The following CHKA variants were observed in gnomAD, a reference collection of about 807,000 sequenced individuals.
CHKA encodes the protein CHETK-alpha.
In CHKA, 34 loss-of-function variants were observed where a neutral mutation model predicts 60.1. The observed-to-expected ratio is 0.57, with a 90% CI of 0.43 to 0.75. The LOEUF (loss-of-function observed/expected upper bound fraction) is 0.75. Ranked by LOEUF, CHKA falls within the 30% of genes least tolerant of loss-of-function variation. The pLI, the probability that CHKA is intolerant of heterozygous loss-of-function variation, is 0.00. For missense variants in CHKA, 563 were observed against 561.3 expected (o/e 1.00, Z -0.03); for synonymous variants, 217 against 223.1 (o/e 0.97, Z 0.24).
At chr11:68,054,147 C>T (rs1203642772) in intron 11 of CHKA, 100 bp from the exon 12 acceptor site, 9 of 1,013,438 alleles carry the variant, frequency 8.9e-6, no homozygotes, top group African/African-American at 3.2e-5. Flanking sequence ...GCTGAGGGCA[C>T]GGACCCATGA....
intron 1 of CHKA, among the ~76,000 whole-genome samples, chr11:68,101,214 C>T (rs979987779): frequency 6.6e-6 from 1 of 152,022 alleles, no homozygotes; most frequent in Non-Finnish European, 1.5e-5. Flanking sequence ...CCCCAAAGTG[C>T]TGGGATTACA....
At chr11:68,111,541 T>C (rs1023373326) in intron 1 of CHKA, among the ~76,000 whole-genome samples, 2 of 151,744 alleles carry the variant, frequency 1.3e-5, no homozygotes, top group African/African-American at 2.4e-5. Context: ...ATCATGCCAT[T>C]GTACTCCAGC....
Position 68,121,156 on chromosome 11 carries a change from C to T in CHKA, c.22G>A (p.Gly8Arg). The T allele has an allele frequency of 9.9e-6, 12 of 1,208,908 alleles. No homozygotes were observed. Among genetic ancestry groups the T allele is most frequent in the South Asian group, 2.1e-5 (1 of 48,484 alleles). The allele number at this position is 1,208,908 out of a possible 1,614,324, so 74.9% of individuals were successfully genotyped here. Reference sequence around the variant, plus strand: ...AGCGGCGAGGGCTCCGCCTCGCCCCCGGTGCAGAATTTGGTTTTCATGCCC... The same window carrying T: ...AGCGGCGAGGGCTCCGCCTCGCCCCTGGTGCAGAATTTGGTTTTCATGCCC... MKTKFCT[G>R]GEAEPSPLGL... The change falls in exon 1 of 12, where the codon GGG (glycine) becomes AGG (arginine). Residue 8 changes from glycine (G) to arginine (R), a missense_variant. By Grantham distance (125) the Gly-to-Arg change is moderately radical (BLOSUM62 -2). Coordinates refer to ENST00000265689, the MANE Select transcript of CHKA (RefSeq NM_001277.3).
intron 5 of CHKA, 70 bp downstream of exon 5, chr11:68,070,654 G>C (rs1195023646): frequency 5.2e-6 from 8 of 1,525,260 alleles, no homozygotes; most frequent in Non-Finnish European, 7.2e-6. Flanking sequence ...GCAAACAAAT[G>C]CTCACTTATG....
intron 1 of CHKA, among the ~76,000 whole-genome samples, chr11:68,119,706 G>C (rs954626110): frequency 2.0e-5 from 3 of 152,054 alleles, no homozygotes; most frequent in Non-Finnish European, 1.5e-5. Flanking sequence ...CCGACCTCGT[G>C]ACCCGCCCAC....
At position 68,120,984 on chromosome 11, in the gene CHKA, A is replaced by AGCGGCGGCGGCG; in HGVS notation, c.193_194insCGCCGCCGCCGC (p.Pro64_Leu65insProProProPro). On this transcript the variant is annotated inframe_insertion, in exon 1 of 12. Coordinates refer to ENST00000265689, the MANE Select transcript of CHKA (RefSeq NM_001277.3). ...CGGGGGCTGGGGCAGCGGCAGCGGC[A>AGCGGCGGCGGCG]GCGGCAGCGGCGGCGGAGGGGGCAG... 1.8e-6 allele frequency: 2 copies of AGCGGCGGCGGCG among 1,115,270 alleles called. No homozygotes were observed. The highest frequency in any genetic ancestry group is 2.2e-6 in the Non-Finnish European group (2 of 912,848). 69.1% of individuals were successfully genotyped at this position (1,115,270 alleles called of 1,614,324 possible).
At chr11:68,064,407 CAAAA>C in intron 10 of CHKA, 114 bp downstream of exon 10, 4 of 421,590 alleles carry the variant, frequency 9.5e-6, no homozygotes, top group Admixed American at 5.8e-5. Context: ...GACTCTGTCT[CAAAA>C]AAAAAAAAAG....
rs537036211 is a variant in CHKA, at chr11:68,098,219, C to T, written c.351-1089G>A. On this transcript the variant is annotated intron_variant, in intron 1 of 11. Coordinates refer to ENST00000265689, the MANE Select transcript of CHKA (RefSeq NM_001277.3). Reference sequence around the variant, plus strand: ...CCAGGAGGCAGAGGTTGCAGTGAGCCGTTATCGCGCCACTGTACTCCAGCC... The same window carrying T: ...CCAGGAGGCAGAGGTTGCAGTGAGCTGTTATCGCGCCACTGTACTCCAGCC... Among the ~76,000 whole-genome samples the T allele has an allele frequency of 6.1e-4, 88 of 143,672 alleles. 1 individual carries two copies. In the South Asian group the frequency reaches 0.018, roughly 30 times the overall value. 94.3% of individuals were successfully genotyped at this position (143,672 alleles called of 152,430 possible).
At chr11:68,079,553 G>T (rs370829980) in intron 3 of CHKA, among the ~76,000 whole-genome samples, 6 of 151,844 alleles carry the variant, frequency 4.0e-5, no homozygotes, top group Admixed American at 3.3e-4. Flanking sequence ...GGATGGTCTC[G>T]ATCTCCTGAC....
At chr11:68,094,815 A>G (rs1857447458) in intron 2 of CHKA, among the ~76,000 whole-genome samples, 1 of 152,186 alleles carries the variant, frequency 6.6e-6, no homozygotes, top group African/African-American at 2.4e-5. Context: ...GTACCTTCAA[A>G]CATACTAACT....
chr11:68,113,689 T>C (rs1176422339), intron 1 of CHKA, among the ~76,000 whole-genome samples: 1 of 147,730 alleles, frequency 6.8e-6, no homozygotes, highest in African/African-American at 2.5e-5. Flanking sequence ...AGCAAGACTC[T>C]GTCTCAAAAC....
At chr11:68,060,999 C>T (rs1322076503) in intron 11 of CHKA, among the ~76,000 whole-genome samples, 9 of 152,092 alleles carry the variant, frequency 5.9e-5, no homozygotes, top group Non-Finnish European at 1.3e-4. Flanking sequence ...GTGTTATCCC[C>T]CACCCCAAGA....
At chr11:68,075,774 C>A (rs1037095269) in intron 3 of CHKA, among the ~76,000 whole-genome samples, 2 of 152,046 alleles carry the variant, frequency 1.3e-5, no homozygotes, top group African/African-American at 4.8e-5. Flanking sequence ...CCCACCACCA[C>A]CGAAGTCTCT....
In CHKA at chr11:68,104,416, AATTATT is replaced by A. The variant is rs570165561; in HGVS notation, c.351-7292_351-7287del. Among the ~76,000 whole-genome samples, 315 of 152,030 alleles carry A rather than the reference AATTATT, an allele frequency of 2.1e-3. 1 individual carries two copies. The highest frequency in any genetic ancestry group is 3.9e-3 in the Non-Finnish European group (268 of 67,948). ...TCACCTTATACCTCATAAATAGGAC[AATTATT>A]ATTATTATTATTTTTTGAGACTGAG... On this transcript the variant is annotated intron_variant, in intron 1 of 11. Transcript: ENST00000265689.
In CHKA at chr11:68,053,141, A is replaced by ACT. The variant is rs1252805096; in HGVS notation, c.*845_*846dup. The ACT allele has an allele frequency of 3.9e-5, 6 of 154,722 alleles. 1 individual carries two copies. The highest frequency in any genetic ancestry group is 3.9e-4 in the Admixed American group (6 of 15,504). 9.6% of individuals were successfully genotyped at this position (154,722 alleles called of 1,614,324 possible). ...ACCCTGCCCAGGGGAGGCCCAGCCT[A>ACT]CTCACAGGATCCGACACTCCAGGCA... On this transcript the variant is annotated 3_prime_UTR_variant, in exon 12 of 12. Transcript: ENST00000265689.
chr11:68,077,259 G>A (rs1490578674), intron 3 of CHKA, among the ~76,000 whole-genome samples: 1 of 152,038 alleles, frequency 6.6e-6, no homozygotes, highest in Non-Finnish European at 1.5e-5. Flanking sequence ...GAAAATGAAA[G>A]AGAACACCCA....
chr11:68,070,463 G>A (rs1460067813), intron 5 of CHKA, among the ~76,000 whole-genome samples, 170 bp from the exon 6 acceptor site: 4 of 152,142 alleles, frequency 2.6e-5, no homozygotes, highest in Non-Finnish European at 4.4e-5. Flanking sequence ...TTGGGGGTTC[G>A]TGGCATTCTA....
chr11:68,105,151 T>C (rs1857866311), intron 1 of CHKA, among the ~76,000 whole-genome samples: 1 of 151,332 alleles, frequency 6.6e-6, no homozygotes. Flanking sequence ...TATAGCACTA[T>C]AAAACAAGAA....
At chr11:68,078,039 T>A (rs1428474043) in intron 3 of CHKA, among the ~76,000 whole-genome samples, 1 of 152,144 alleles carries the variant, frequency 6.6e-6, no homozygotes, top group African/African-American at 2.4e-5. Context: ...GCTCACAAAC[T>A]GGGTTCGATC....
Sources: gnomAD v4.1 joint callset for allele counts (sites outside exome capture counted in the v4.1 genomes callset) on GRCh38, gnomAD v4.1.1 for gene constraint, MANE v1.5 for transcripts, NCBI Gene and HGNC (gene_info 2026-07-23, HGNC 2026-07-21) for gene names.